The following RAB10 variants were observed in gnomAD, a reference collection of about 807,000 sequenced individuals.
RAB10 encodes the protein RAB10, member RAS oncogene family.
In RAB10, 5 loss-of-function variants were observed where a neutral mutation model predicts 25.7. The observed-to-expected ratio is 0.19, with a 90% CI of 0.10 to 0.41. The LOEUF (loss-of-function observed/expected upper bound fraction) is 0.41. Among genes scored for constraint, RAB10 ranks in the 10% least tolerant of loss-of-function variants. The pLI, the probability that RAB10 is intolerant of heterozygous loss-of-function variation, is 1.00. For synonymous variants in RAB10, 89 were observed against 86.4 expected, an observed-to-expected ratio of 1.03 and a Z score of -0.16; for missense variants, 103 against 245.8, an observed-to-expected ratio of 0.42 and a Z score of 3.89.
intron 3 of RAB10, among the ~76,000 whole-genome samples, chr2:26,118,204 C>T (rs1432531101): frequency 6.6e-6 from 1 of 152,172 alleles, no homozygotes; most frequent in Non-Finnish European, 1.5e-5. Flanking sequence ...AACTCCTGAC[C>T]TCATGGTCCG....
chr2:26,034,731 CATAGGT>C lies in RAB10; in HGVS notation c.125_127+3del. 6.2e-7 allele frequency: 1 copy of C among 1,614,162 alleles called. No individual in the cohort carries two copies. The highest frequency in any genetic ancestry group is 8.5e-7 in the Non-Finnish European group (1 of 1,179,994). On this transcript the variant is annotated splice_donor_variant and coding_sequence_variant, in exon 1 of 6. Coordinates refer to ENST00000264710, the MANE Select transcript of RAB10 (RefSeq NM_016131.5). LOFTEE classifies it high-confidence loss of function. The stretch of plus-strand genomic sequence containing the variant: ...CCTTCAATACTACCTTTATTTCCAC[CATAGGT>C]AAGACCTGTGGGAGGACGGTGTACG...
chr2:26,088,840 G>T (rs143054872), intron 1 of RAB10, among the ~76,000 whole-genome samples: 3,696 of 151,958 alleles, frequency 0.024, 149 homozygotes, highest in African/African-American at 0.085. Flanking sequence ...GGCAAGACTG[G>T]TCTCGAACTC....
intron 3 of RAB10, among the ~76,000 whole-genome samples, chr2:26,116,548 G>GGT (rs1667691710): frequency 6.4e-5 from 4 of 62,636 alleles, no homozygotes; most frequent in Non-Finnish European, 8.4e-5. Flanking sequence ...TCTGTCTTGT[G>GGT]TTTTTTTTTT....
intron 5 of RAB10, among the ~76,000 whole-genome samples, chr2:26,129,161 T>C (rs13007198): frequency 0.76 from 115,634 of 151,390 alleles, 44,188 homozygotes; most frequent in East Asian, 0.87. Flanking sequence ...TCCCAGCTTC[T>C]TGGGAGGCTG....
chr2:26,054,945 C>A (rs1666222565), intron 1 of RAB10, among the ~76,000 whole-genome samples: 1 of 151,276 alleles, frequency 6.6e-6, no homozygotes, highest in African/African-American at 2.4e-5. Context: ...CACGTCACTG[C>A]ACTGCAGCCT....
chr2:26,082,302 T>A (rs774220239), intron 1 of RAB10, among the ~76,000 whole-genome samples: 1 of 152,074 alleles, frequency 6.6e-6, no homozygotes, highest in South Asian at 2.1e-4. Flanking sequence ...TTATGAGCCT[T>A]AGAGAAACTA....
intron 1 of RAB10, among the ~76,000 whole-genome samples, chr2:26,049,976 C>T (rs930267102): frequency 3.9e-5 from 6 of 152,284 alleles, no homozygotes; most frequent in African/African-American, 1.4e-4. Context: ...CACCTCTCTG[C>T]TAGATACTTT....
chr2:26,090,453 G>T (rs1301471453), intron 1 of RAB10, among the ~76,000 whole-genome samples: 1 of 148,500 alleles, frequency 6.7e-6, no homozygotes, highest in Non-Finnish European at 1.5e-5. Context: ...CTAGGTTCTT[G>T]GTGGGTTTTT....
intron 1 of RAB10, among the ~76,000 whole-genome samples, chr2:26,054,651 A>G (rs1666211692): frequency 6.6e-6 from 1 of 152,240 alleles, no homozygotes; most frequent in Non-Finnish European, 1.5e-5. Flanking sequence ...AAGCATTTTT[A>G]AAACTTTTTC....
At chr2:26,101,932 TAG>T (rs948576812) in intron 2 of RAB10, 46 of 152,370 alleles carry the variant, frequency 3.0e-4, no homozygotes, top group Middle Eastern at 3.4e-3. Flanking sequence ...GCGGGGAGAA[TAG>T]AGAGATTTCC....
intron 1 of RAB10, among the ~76,000 whole-genome samples, chr2:26,055,861 T>G (rs1666251201): frequency 6.6e-6 from 1 of 151,862 alleles, no homozygotes; most frequent in Admixed American, 6.6e-5. Flanking sequence ...CCTTACATAG[T>G]TATTGTTGAT....
intron 1 of RAB10, among the ~76,000 whole-genome samples, chr2:26,097,936 C>G (rs1421166824): frequency 6.6e-6 from 1 of 152,110 alleles, no homozygotes; most frequent in Non-Finnish European, 1.5e-5. Context: ...TGAAATGACC[C>G]TCTATCCTTG....
In RAB10 at chr2:26,107,016, C is replaced by T. The variant is rs183585010; in HGVS notation, c.189-2752C>T. ...ACCCCAGCACTTTGGGAAGCTGAGG[C>T]GGGCAGATCATCTGAGGCCAGGAGT... is the stretch of plus-strand genomic sequence containing the variant. On this transcript the variant is annotated intron_variant, in intron 2 of 5. Transcript: ENST00000264710. 1.4e-4 allele frequency among the ~76,000 whole-genome samples: 21 copies of T among 152,114 alleles called. No homozygotes were observed. In the East Asian group the frequency reaches 3.5e-3, roughly 25 times the overall value.
rs1665707713 is a variant in RAB10 at position 26,034,310 on chromosome 2, C to G, written c.-299C>G. 5.5e-6 allele frequency: 3 copies of G among 549,870 alleles called. No individual in the cohort carries two copies. The East Asian group carries it at 8.6e-5, about 16-fold the overall frequency. 34.1% of individuals were successfully genotyped at this position (549,870 alleles called of 1,614,324 possible). A position where few individuals can be genotyped will look rare whatever the true frequency, so the allele number is the denominator to read the frequency against. ...CAGGCTTGCTCGCCCGTGGGAGCGT[C>G]CCGGCCGAGAAGCCCTGAGGGGGGA... On this transcript the variant is annotated 5_prime_UTR_variant, in exon 1 of 6. Transcript: ENST00000264710.
rs1461047805 is a variant in RAB10, at chr2:26,034,312, C to T, written c.-297C>T. On this transcript the variant is annotated 5_prime_UTR_variant, in exon 1 of 6. Coordinates refer to ENST00000264710, the MANE Select transcript of RAB10 (RefSeq NM_016131.5). ...GGCTTGCTCGCCCGTGGGAGCGTCC[C>T]GGCCGAGAAGCCCTGAGGGGGGAGG... is the stretch of plus-strand genomic sequence containing the variant. 4 of 549,544 alleles carry T rather than the reference C, an allele frequency of 7.3e-6. No individual in the cohort carries two copies. Among genetic ancestry groups the T allele is most frequent in the African/African-American group, 5.7e-5 (3 of 52,896 alleles). The allele number at this position is 549,544 out of a possible 1,614,324, so 34.0% of individuals were successfully genotyped here.
At position 26,114,850 on chromosome 2, in the gene RAB10, C is replaced by T. The variant is rs376929665; in HGVS notation, c.327+4944C>T. 7.9e-4 allele frequency among the ~76,000 whole-genome samples: 120 copies of T among 151,444 alleles called. 5 individuals carry two copies. The South Asian group carries it at 0.025, about 32-fold the overall frequency. On this transcript the variant is annotated intron_variant, in intron 3 of 5. Transcript: ENST00000264710. ...CCAGGAGGTCGAGGCTGCAGTGAACCATGATTGCATTACTACACTCCAGCC... is the reference window on the plus strand; with the variant it reads ...CCAGGAGGTCGAGGCTGCAGTGAACTATGATTGCATTACTACACTCCAGCC...
chr2:26,085,924 A>C (rs188089496), intron 1 of RAB10, among the ~76,000 whole-genome samples: 1 of 142,290 alleles, frequency 7.0e-6, no homozygotes, highest in African/African-American at 2.6e-5. Flanking sequence ...ACTTGAACCC[A>C]GGAGGCAGAG....
At chr2:26,079,746 G>T (rs567253270) in intron 1 of RAB10, among the ~76,000 whole-genome samples, 32 of 151,178 alleles carry the variant, frequency 2.1e-4, no homozygotes, top group Non-Finnish European at 3.5e-4. Context: ...ACTCACTGAA[G>T]CCTCAACTTC....
At chr2:26,126,901 A>C (rs1207038619) in intron 3 of RAB10, among the ~76,000 whole-genome samples, 1 of 152,234 alleles carries the variant, frequency 6.6e-6, no homozygotes, top group Non-Finnish European at 1.5e-5. Context: ...CCTAGAAAGT[A>C]GACAGCCTCC....
Sources: allele counts gnomAD v4.1 joint callset (sites outside exome capture counted in the v4.1 genomes callset), GRCh38; gene constraint gnomAD v4.1.1; transcripts MANE v1.5; gene names NCBI Gene and HGNC (gene_info 2026-07-23, HGNC 2026-07-21).